Variants in NRXN1 observed in about 807,000 individuals in gnomAD.
NRXN1 encodes neurexin 1, also known as neurexin-1.
Under a neutral mutation model 150.9 loss-of-function variants are expected in NRXN1, and 39 were observed. The ratio of observed to expected loss-of-function variants is 0.26; its 90% confidence interval spans 0.20 to 0.34. NRXN1 has a LOEUF of 0.34. NRXN1 is among the 10% of genes least tolerant of loss of function. NRXN1 has a pLI of 1.00. For missense variants in NRXN1, 1,815 were observed against 1,949.9 expected (o/e 0.93, Z 1.30); for synonymous variants, 924 against 757.0 (o/e 1.22, Z -3.62).
chr2:50,020,524 T>C (rs1687410603), intron 21 of NRXN1, among the ~76,000 whole-genome samples: 2 of 152,212 alleles, frequency 1.3e-5, no homozygotes, highest in African/African-American at 4.8e-5. Context: ...GTTAATACTC[T>C]GAAGAATTAA....
chr2:50,465,533 T>A lies in NRXN1; in HGVS notation c.3273A>T (p.Ser1091=), dbSNP rs777475392. 6 of 1,610,254 alleles carry A rather than the reference T, an allele frequency of 3.7e-6. No homozygotes were observed. Among genetic ancestry groups the A allele is most frequent in the Non-Finnish European group, 5.1e-6 (6 of 1,177,870 alleles). Residue 1091 remains serine, a synonymous_variant, in exon 17 of 23, where the codon TCA becomes TCT. Transcript: ENST00000401669. ...EGPSTTCQED[S]CSNQGVCLQQ... ...GCAAGCACACACCTTGATTGGAACATGAGTCCTCTTGGCAGGTTGTGCTGG... is the reference window on the plus strand; with the variant it reads ...GCAAGCACACACCTTGATTGGAACAAGAGTCCTCTTGGCAGGTTGTGCTGG...
intron 8 of NRXN1, among the ~76,000 whole-genome samples, chr2:50,583,673 G>C (rs1021301191): frequency 3.3e-5 from 5 of 152,176 alleles, no homozygotes; most frequent in African/African-American, 1.2e-4. Flanking sequence ...AAGTGGTACA[G>C]GCATTGTACT....
At chr2:50,360,385 A>T (rs896232758) in intron 17 of NRXN1, among the ~76,000 whole-genome samples, 2 of 152,250 alleles carry the variant, frequency 1.3e-5, no homozygotes, top group Non-Finnish European at 2.9e-5. Flanking sequence ...ACAGACACAT[A>T]TAGGCTCAAA....
chr2:50,015,696 A>G (rs6755887), intron 21 of NRXN1, among the ~76,000 whole-genome samples: 78,584 of 151,782 alleles, frequency 0.52, 20,677 homozygotes, highest in Middle Eastern at 0.63. Context: ...GGGTTTGCCT[A>G]TTACCTTAAA....
chr2:50,766,921 G>T (rs1702453929), intron 5 of NRXN1, among the ~76,000 whole-genome samples: 1 of 152,042 alleles, frequency 6.6e-6, no homozygotes, highest in Admixed American at 6.6e-5. Context: ...TAATAACTTT[G>T]TTCATACCAA....
intron 17 of NRXN1, among the ~76,000 whole-genome samples, chr2:50,253,298 A>C (rs929257871): frequency 6.6e-6 from 1 of 152,160 alleles, no homozygotes; most frequent in Non-Finnish European, 1.5e-5. Context: ...TTATCAGCTT[A>C]AGAAGATTTT....
At chr2:50,292,349 G>A (rs2073029037) in intron 17 of NRXN1, among the ~76,000 whole-genome samples, 1 of 152,154 alleles carries the variant, frequency 6.6e-6, no homozygotes, top group Non-Finnish European at 1.5e-5. Flanking sequence ...TTATGACAGA[G>A]ACTTATCACC....
At chr2:50,639,891 A>T (rs1007840581) in intron 5 of NRXN1, among the ~76,000 whole-genome samples, 13 of 152,268 alleles carry the variant, frequency 8.5e-5, no homozygotes, top group South Asian at 2.1e-4. Context: ...CAAATGTTCG[A>T]ATATTCCTAC....
At chr2:50,306,356 C>G (rs1438160682) in intron 17 of NRXN1, among the ~76,000 whole-genome samples, 2 of 152,158 alleles carry the variant, frequency 1.3e-5, no homozygotes, top group African/African-American at 4.8e-5. Context: ...CCTGAGACCC[C>G]TAAGAAAACA....
At chr2:50,111,656 A>C (rs1702396293) in intron 18 of NRXN1, among the ~76,000 whole-genome samples, 1 of 151,942 alleles carries the variant, frequency 6.6e-6, no homozygotes, top group Admixed American at 6.6e-5. Context: ...AGAAAAAAAA[A>C]AGTTACTCTC....
intron 11 of NRXN1, 100 bp from the exon 12 acceptor site, chr2:50,528,751 C>T: frequency 1.4e-6 from 1 of 695,838 alleles, no homozygotes. Context: ...GGGACAGACA[C>T]ATGCAAATAT....
intron 17 of NRXN1, among the ~76,000 whole-genome samples, chr2:50,379,709 AT>A (rs573269844): frequency 3.2e-4 from 48 of 152,296 alleles, no homozygotes; most frequent in African/African-American, 1.1e-3. Flanking sequence ...TTAGAAAAAA[AT>A]AGAAGGGTGT....
chr2:50,329,033 A>C (rs1483072426), intron 17 of NRXN1, among the ~76,000 whole-genome samples: 1 of 152,190 alleles, frequency 6.6e-6, no homozygotes, highest in Admixed American at 6.5e-5. Context: ...AGGCTAGAAA[A>C]GAAGTTAACA....
intron 17 of NRXN1, among the ~76,000 whole-genome samples, chr2:50,426,671 G>T (rs2084522321): frequency 6.6e-6 from 1 of 152,068 alleles, no homozygotes; most frequent in Non-Finnish European, 1.5e-5. Context: ...TTCCCTGAGG[G>T]ATGCAGTTAT....
At chr2:50,288,906 A>C (rs1479701665) in intron 17 of NRXN1, among the ~76,000 whole-genome samples, 1 of 152,166 alleles carries the variant, frequency 6.6e-6, no homozygotes, top group Non-Finnish European at 1.5e-5. Context: ...ATAATGGTTG[A>C]AATGAGACGA....
At chr2:50,322,082 A>G (rs2076082753) in intron 17 of NRXN1, among the ~76,000 whole-genome samples, 1 of 151,774 alleles carries the variant, frequency 6.6e-6, no homozygotes, top group South Asian at 2.1e-4. Flanking sequence ...CAAGCCTGAA[A>G]TGGATTAAAT....
intron 17 of NRXN1, among the ~76,000 whole-genome samples, chr2:50,274,412 G>A (rs960815163): frequency 6.6e-6 from 1 of 152,114 alleles, no homozygotes; most frequent in African/African-American, 2.4e-5. Flanking sequence ...GGGGGCTACG[G>A]GAGGGATAGC....
intron 2 of NRXN1, among the ~76,000 whole-genome samples, chr2:50,979,509 T>C (rs1248930254): frequency 1.3e-5 from 2 of 152,086 alleles, no homozygotes; most frequent in East Asian, 3.9e-4. Context: ...ATCATGACAA[T>C]GGAGGATATA....
intron 21 of NRXN1, among the ~76,000 whole-genome samples, chr2:50,045,015 G>A (rs1196867498): frequency 2.6e-5 from 4 of 152,110 alleles, no homozygotes; most frequent in Non-Finnish European, 5.9e-5. Flanking sequence ...TTCATATAAA[G>A]AGAATAGTGA....
Sources: gnomAD v4.1 joint callset for allele counts (sites outside exome capture counted in the v4.1 genomes callset) on GRCh38, gnomAD v4.1.1 for gene constraint, MANE v1.5 for transcripts, NCBI Gene and HGNC (gene_info 2026-07-23, HGNC 2026-07-21) for gene names.